The following DDX10 variants were observed in gnomAD, a reference collection of about 807,000 sequenced individuals.
DDX10 encodes probable ATP-dependent RNA helicase DDX10.
A neutral mutation model predicts 104.3 loss-of-function variants in DDX10; 74 were observed. The ratio of observed to expected loss-of-function variants is 0.71; its 90% CI spans 0.59 to 0.86. The LOEUF (loss-of-function observed/expected upper bound fraction) is 0.86. Among genes scored for constraint, DDX10 ranks in the 40% least tolerant of loss-of-function variants. The pLI is 0.00. For missense variants in DDX10, 952 were observed against 1,040.0 expected (o/e 0.92, Z 1.16); for synonymous variants, 351 against 353.4 (o/e 0.99, Z 0.08).
At chr11:108,730,971 C>A (rs2094311394) in intron 13 of DDX10, among the ~76,000 whole-genome samples, 1 of 151,774 alleles carries the variant, frequency 6.6e-6, no homozygotes, top group Non-Finnish European at 1.5e-5. Context: ...CTGTTTCTTC[C>A]TGTACATTCC....
chr11:108,682,865 G>T (rs2094237493), intron 6 of DDX10, among the ~76,000 whole-genome samples: 1 of 151,852 alleles, frequency 6.6e-6, no homozygotes, highest in South Asian at 2.1e-4. Context: ...TTTTTTTGAA[G>T]CCTATCTTGG....
intron 15 of DDX10, among the ~76,000 whole-genome samples, chr11:108,845,920 A>C (rs1862710900): frequency 6.6e-6 from 1 of 152,124 alleles, no homozygotes; most frequent in South Asian, 2.1e-4. Flanking sequence ...ATGTGCACTC[A>C]TTCTTAGTAT....
chr11:108,692,032 G>A lies in DDX10; in HGVS notation c.1132G>A (p.Gly378Ser), dbSNP rs1270796790. Residue 378 changes from glycine to serine, a missense_variant, in exon 8 of 18, where the codon GGT becomes AGT. Coordinates refer to ENST00000322536, the MANE Select transcript of DDX10 (RefSeq NM_004398.4). ...CTTTGCTACTGATATTGCAGCCAGG[G>A]GTCTGGGTAAGAAAACTTCCTATCA... ...VLFATDIAARGLDFPAVNWVL... is the reference protein window; with the variant it reads ...VLFATDIAARSLDFPAVNWVL... The A allele has an allele frequency of 6.3e-7, 1 of 1,593,676 alleles. No individual in the cohort carries two copies. Among genetic ancestry groups the A allele is most frequent in the Non-Finnish European group, 8.5e-7 (1 of 1,169,846 alleles).
chr11:108,677,072 C>T lies in DDX10; in HGVS notation c.379-13C>T, dbSNP rs902004105. 8.8e-6 allele frequency: 14 copies of T among 1,590,410 alleles called. No homozygotes were observed. The highest frequency in any genetic ancestry group is 8.6e-6 in the Non-Finnish European group (10 of 1,164,420). Reference sequence around the variant, plus strand: ...TGATGACTTACTGAACATGAATTTGCTGTCTTTTTGAGGTGCTGGAAGCCT... The same window carrying T: ...TGATGACTTACTGAACATGAATTTGTTGTCTTTTTGAGGTGCTGGAAGCCT... On this transcript the variant is annotated splice_polypyrimidine_tract_variant and intron_variant, in intron 3 of 17. Coordinates refer to ENST00000322536, the MANE Select transcript of DDX10 (RefSeq NM_004398.4).
At chr11:108,680,932 A>T (rs548528521) in intron 6 of DDX10, among the ~76,000 whole-genome samples, 11 of 152,316 alleles carry the variant, frequency 7.2e-5, no homozygotes, top group Non-Finnish European at 1.0e-4. Flanking sequence ...GAATAGTAAG[A>T]TATGTGAGGT....
chr11:108,940,559 T>A lies in DDX10; in HGVS notation c.*136T>A. ...AGGGCACATTTCTGGATAGAAGCGA[T>A]CGTATCTCCAAGTCCCTCTCACAGG... On this transcript the variant is annotated 3_prime_UTR_variant, in exon 18 of 18. Coordinates refer to ENST00000322536, the MANE Select transcript of DDX10 (RefSeq NM_004398.4). 1.2e-6 allele frequency: 1 copy of A among 800,240 alleles called. No individual in the cohort carries two copies. Among genetic ancestry groups the A allele is most frequent in the South Asian group, 1.9e-5 (1 of 52,340 alleles). 49.6% of individuals were successfully genotyped at this position (800,240 alleles called of 1,614,324 possible). A position where few individuals can be genotyped will look rare whatever the true frequency, so the allele number is the denominator to read the frequency against.
chr11:108,685,828 G>T (rs561941111), intron 6 of DDX10, among the ~76,000 whole-genome samples: 1 of 152,094 alleles, frequency 6.6e-6, no homozygotes, highest in African/African-American at 2.4e-5. Flanking sequence ...ATAGTTTCAG[G>T]ATAATACCAA....
At position 108,940,347 on chromosome 11, in the gene DDX10, T is replaced by C. The variant is rs896887804; in HGVS notation, c.2552T>C (p.Leu851Ser). 6.2e-6 allele frequency: 10 copies of C among 1,613,962 alleles called. No individual in the cohort carries two copies. Among genetic ancestry groups the C allele is most frequent in the African/African-American group, 4.0e-5 (3 of 74,896 alleles). The change falls in exon 18 of 18, where the codon TTA becomes TCA. Residue 851 changes from leucine (L) to serine (S), a missense_variant. Around this residue, in one of 3 missense-constraint regions of DDX10, gnomAD observed 533 missense variants for 534.1 expected, o/e 1.00. Transcript: ENST00000322536. ...AGAAAGAAGGCCAGGTGGGACACTT[T>C]AGAGCCTTTGGATACCGGCCTGTCT... ...HNRKKARWDT[L>S]EPLDTGLSLA...
At chr11:108,749,070 T>TC (rs2094335240) in intron 13 of DDX10, among the ~76,000 whole-genome samples, 3 of 150,732 alleles carry the variant, frequency 2.0e-5, no homozygotes, top group African/African-American at 7.4e-5. Flanking sequence ...CTCTCTCTCT[T>TC]TCTCTCTCTC....
chr11:108,877,871 A>G (rs1863173448), intron 16 of DDX10, among the ~76,000 whole-genome samples: 1 of 152,180 alleles, frequency 6.6e-6, no homozygotes, highest in South Asian at 2.1e-4. Flanking sequence ...TTTGAAGTGA[A>G]ACAGTCTAGG....
intron 13 of DDX10, chr11:108,822,201 G>A (rs574496394): frequency 4.1e-4 from 79 of 191,962 alleles, no homozygotes; most frequent in Admixed American, 2.7e-3. Flanking sequence ...TTAAAATCAG[G>A]ACTGCCCAAC....
intron 13 of DDX10, among the ~76,000 whole-genome samples, chr11:108,762,650 G>T (rs1350035771): frequency 6.6e-6 from 1 of 152,104 alleles, no homozygotes. Flanking sequence ...AGGCAAGGTG[G>T]ATCACATTGG....
At chr11:108,681,948 G>T in intron 6 of DDX10, among the ~76,000 whole-genome samples, 1 of 151,760 alleles carries the variant, frequency 6.6e-6, no homozygotes, top group South Asian at 2.1e-4. Flanking sequence ...TGTCTTTTTT[G>T]GTTTGGTTTT....
chr11:108,900,450 C>G (rs376164675), intron 16 of DDX10, among the ~76,000 whole-genome samples: 1 of 152,304 alleles, frequency 6.6e-6, no homozygotes, highest in East Asian at 1.9e-4. Context: ...TACTTAAAGT[C>G]CTCTGCTTTC....
intron 13 of DDX10, among the ~76,000 whole-genome samples, chr11:108,791,379 C>G (rs1251222977): frequency 6.6e-6 from 1 of 152,182 alleles, no homozygotes; most frequent in East Asian, 1.9e-4. Flanking sequence ...ATTAGAAAGT[C>G]ATGGGGGGAA....
intron 14 of DDX10, 96 bp downstream of exon 14, chr11:108,838,661 T>A: frequency 7.4e-7 from 1 of 1,350,056 alleles, no homozygotes; most frequent in Non-Finnish European, 1.0e-6. Flanking sequence ...ATAGAGTAAA[T>A]GTTTCTCTAC....
intron 16 of DDX10, among the ~76,000 whole-genome samples, chr11:108,864,412 A>G (rs1862980277): frequency 6.6e-6 from 1 of 151,372 alleles, no homozygotes; most frequent in Admixed American, 6.6e-5. Flanking sequence ...CATATATAGA[A>G]TAAACTTTAT....
At chr11:108,908,140 T>C (rs1863621655) in intron 16 of DDX10, among the ~76,000 whole-genome samples, 1 of 152,238 alleles carries the variant, frequency 6.6e-6, no homozygotes, top group Non-Finnish European at 1.5e-5. Flanking sequence ...ATTTAGTGCC[T>C]AGGATTTATA....
intron 10 of DDX10, among the ~76,000 whole-genome samples, chr11:108,714,003 A>G (rs2094288041): frequency 6.6e-6 from 1 of 152,166 alleles, no homozygotes; most frequent in African/African-American, 2.4e-5. Context: ...ATAAAACCCT[A>G]AGAGGCTTGA....
Sources: allele counts gnomAD v4.1 joint callset (sites outside exome capture counted in the v4.1 genomes callset), GRCh38; gene constraint gnomAD v4.1.1; regional missense constraint gnomAD v4.1.1; transcripts MANE v1.5; gene names NCBI Gene and HGNC (gene_info 2026-07-23, HGNC 2026-07-21).